RUNX2: variants seen among roughly 807,000 people sequenced by gnomAD.
The protein encoded by RUNX2 is RUNX family transcription factor 2.
A neutral mutation model predicts 51.7 loss-of-function variants in RUNX2; 10 were observed. The observed-to-expected ratio is 0.19, with a 90% CI of 0.12 to 0.33. The LOEUF is 0.33. Ranked by LOEUF, RUNX2 falls within the 10% of genes least tolerant of loss-of-function variation. The probability of loss-of-function intolerance (pLI) is 1.00; values close to 1 mark genes in which losing one functional copy is unlikely to be tolerated. For missense variants in RUNX2, 562 were observed against 691.3 expected (o/e 0.81, Z 2.10); for synonymous variants, 276 against 273.6 (o/e 1.01, Z -0.09).
At chr6:45,492,616 C>T (rs1231826255) in intron 6 of RUNX2, among the ~76,000 whole-genome samples, 2 of 152,204 alleles carry the variant, frequency 1.3e-5, no homozygotes, top group Non-Finnish European at 2.9e-5. Context: ...ACAGAATTCA[C>T]TTCTGATTTA....
chr6:45,328,439 GCCACCGAGACCAA>G lies in RUNX2; in HGVS notation c.-86_-74del. The G allele has an allele frequency of 6.9e-7, 1 of 1,455,452 alleles. No individual in the cohort carries two copies. Among genetic ancestry groups the G allele is most frequent in the Non-Finnish European group, 9.3e-7 (1 of 1,080,206 alleles). The allele number at this position is 1,455,452 out of a possible 1,614,324, so 90.2% of individuals were successfully genotyped here. A position where few individuals can be genotyped will look rare whatever the true frequency, so the allele number is the denominator to read the frequency against. ...GGTTAATCTCCGCAGGTCACTACCA[GCCACCGAGACCAA>G]CAGAGTCAGTGAGTGCTCTCTAACC... On this transcript the variant is annotated 5_prime_UTR_variant, in exon 1 of 9. It removes the in-frame stop codon of an upstream open reading frame in the 5' UTR. Transcript: ENST00000647337.
intron 5 of RUNX2, among the ~76,000 whole-genome samples, chr6:45,482,116 C>T (rs769409714): frequency 3.3e-5 from 5 of 152,184 alleles, no homozygotes; most frequent in Non-Finnish European, 7.4e-5. Context: ...GCCGGATTCC[C>T]GGTTAGCTCT....
intron 2 of RUNX2, among the ~76,000 whole-genome samples, chr6:45,357,881 G>T (rs1053556778): frequency 6.6e-6 from 1 of 151,992 alleles, no homozygotes; most frequent in Non-Finnish European, 1.5e-5. Context: ...GGATTTTTCA[G>T]AAAGACTAAG....
chr6:45,422,487 C>A, intron 2 of RUNX2, 106 bp from the exon 3 acceptor site: 1 of 421,856 alleles, frequency 2.4e-6, no homozygotes, highest in Non-Finnish European at 4.1e-6. Context: ...TTCCCCCCGT[C>A]TCGCCTTCAC....
In RUNX2 at chr6:45,447,323, C is replaced by G. The variant is rs79189974; in HGVS notation, c.685+9272C>G. On this transcript the variant is annotated intron_variant, in intron 5 of 8. Transcript: ENST00000647337. ...TGATGCTTTCCAGTTCTGATATACT[C>G]TTAAGAGTGCAAGATTTTGTTATTG... Among the ~76,000 whole-genome samples, 859 of 152,290 alleles carry G rather than the reference C, an allele frequency of 5.6e-3. 7 individuals carry two copies. The highest frequency in any genetic ancestry group is 8.5e-3 in the Non-Finnish European group (576 of 68,014).
At chr6:45,398,557 T>C (rs996598331) in intron 2 of RUNX2, among the ~76,000 whole-genome samples, 2 of 152,338 alleles carry the variant, frequency 1.3e-5, no homozygotes, top group East Asian at 3.9e-4. Context: ...TACTAATCCT[T>C]CAATTTTAAC....
chr6:45,443,055 T>C (rs1057139712), intron 5 of RUNX2, among the ~76,000 whole-genome samples: 2 of 141,820 alleles, frequency 1.4e-5, no homozygotes, highest in African/African-American at 5.3e-5. Flanking sequence ...TTTTTTTTTT[T>C]TTTTTTTTTG....
intron 2 of RUNX2, among the ~76,000 whole-genome samples, chr6:45,412,885 A>G (rs956407981): frequency 1.3e-5 from 2 of 152,124 alleles, no homozygotes; most frequent in Non-Finnish European, 2.9e-5. Flanking sequence ...AGCTGGGACT[A>G]CAGGTGTGTG....
intron 2 of RUNX2, among the ~76,000 whole-genome samples, chr6:45,363,325 G>T (rs74483478): frequency 2.0e-5 from 3 of 151,984 alleles, no homozygotes; most frequent in Admixed American, 6.6e-5. Flanking sequence ...CAAGTATATT[G>T]TTTTAATAAA....
At chr6:45,387,355 C>T (rs1288068739) in intron 2 of RUNX2, among the ~76,000 whole-genome samples, 5 of 152,120 alleles carry the variant, frequency 3.3e-5, no homozygotes, top group African/African-American at 9.7e-5. Flanking sequence ...AGAGTGGCTG[C>T]ACATTTAGGT....
intron 6 of RUNX2, among the ~76,000 whole-genome samples, chr6:45,493,437 T>C (rs1385140474): frequency 1.3e-5 from 2 of 152,088 alleles, no homozygotes; most frequent in African/African-American, 4.8e-5. Flanking sequence ...ACTTGTGAAT[T>C]TGAAGCTTGT....
At chr6:45,394,342 C>A (rs533472711) in intron 2 of RUNX2, among the ~76,000 whole-genome samples, 2 of 152,278 alleles carry the variant, frequency 1.3e-5, no homozygotes, top group South Asian at 4.1e-4. Context: ...ACCTCTAACA[C>A]TGAGGATTAT....
chr6:45,371,157 C>CA (rs1215618409), intron 2 of RUNX2, among the ~76,000 whole-genome samples: 2 of 152,004 alleles, frequency 1.3e-5, no homozygotes, highest in Admixed American at 6.5e-5. Context: ...ACAAACATGT[C>CA]AAAAAAATAA....
intron 2 of RUNX2, among the ~76,000 whole-genome samples, chr6:45,420,833 TC>T: frequency 6.6e-6 from 1 of 152,298 alleles, no homozygotes. Flanking sequence ...TTGAGGCTGG[TC>T]GTAGACACCC....
intron 2 of RUNX2, among the ~76,000 whole-genome samples, chr6:45,410,443 G>A (rs188681886): frequency 7.9e-5 from 12 of 152,308 alleles, no homozygotes; most frequent in Admixed American, 7.8e-4. Flanking sequence ...AGTCTATCAT[G>A]ATACCTAAGT....
intron 7 of RUNX2, among the ~76,000 whole-genome samples, chr6:45,521,717 T>G (rs1467476791): frequency 1.3e-5 from 2 of 152,170 alleles, no homozygotes; most frequent in African/African-American, 2.4e-5. Flanking sequence ...CTCTGCCTGT[T>G]TTTTTTGACG....
At chr6:45,492,768 TTTTC>T (rs1800521843) in intron 6 of RUNX2, among the ~76,000 whole-genome samples, 1 of 152,248 alleles carries the variant, frequency 6.6e-6, no homozygotes, top group South Asian at 2.1e-4. Context: ...CCCCCAACTC[TTTTC>T]TTTTTGTCCC....
At chr6:45,348,003 A>G (rs1272884912) in intron 2 of RUNX2, among the ~76,000 whole-genome samples, 1 of 152,130 alleles carries the variant, frequency 6.6e-6, no homozygotes, top group African/African-American at 2.4e-5. Context: ...TTAAAGTTAT[A>G]TAAATAGGTA....
intron 2 of RUNX2, among the ~76,000 whole-genome samples, chr6:45,414,087 T>A (rs1230303857): frequency 1.3e-5 from 2 of 152,220 alleles, no homozygotes; most frequent in Non-Finnish European, 2.9e-5. Context: ...ACTCTTCTGC[T>A]TCATCTTAAT....
Sources: gnomAD v4.1 joint callset for allele counts (sites outside exome capture counted in the v4.1 genomes callset) on GRCh38, gnomAD v4.1.1 for gene constraint, MANE v1.5 for transcripts, NCBI Gene and HGNC (gene_info 2026-07-23, HGNC 2026-07-21) for gene names.